Variants in TAFA3 observed in about 807,000 individuals in gnomAD.
TAFA3 encodes the protein chemokine-like protein TAFA-3.
A neutral mutation model predicts 20.7 loss-of-function variants in TAFA3; 17 were observed. The ratio of observed to expected loss-of-function variants is 0.82; its 90% CI spans 0.56 to 1.23. The LOEUF (loss-of-function observed/expected upper bound fraction) is 1.23, where lower values mean the gene tolerates loss of function less well. Ranked by LOEUF, TAFA3 falls within the 50% of genes most tolerant of loss-of-function variation. The pLI is 0.00. For synonymous variants in TAFA3, 74 were observed against 71.8 expected, an observed-to-expected ratio of 1.03 and a Z score of -0.16; for missense variants, 174 against 172.8, an observed-to-expected ratio of 1.01 and a Z score of -0.04.
intron 5 of TAFA3, 124 bp from the exon 6 acceptor site, chr1:112,726,505 C>G: frequency 1.0e-6 from 1 of 1,004,636 alleles, no homozygotes; most frequent in Non-Finnish European, 1.5e-6. Flanking sequence ...TTCCGGCCTG[C>G]TTTAGGGTGA....
At position 112,727,012 on chromosome 1, in the gene TAFA3, C is replaced by A; in HGVS notation, c.*372C>A. ...ATGATGGGGGTTTGGGAATGAGATT[C>A]CCACAGTTCTTCAGATACCCTGTGG... On this transcript the variant is annotated 3_prime_UTR_variant, in exon 6 of 6. Transcript: ENST00000361886. The A allele has an allele frequency of 3.8e-6, 1 of 263,538 alleles. No individual in the cohort carries two copies. Among genetic ancestry groups the A allele is most frequent in the Non-Finnish European group, 7.4e-6 (1 of 136,036 alleles). 16.3% of individuals were successfully genotyped at this position (263,538 alleles called of 1,614,324 possible).
chr1:112,724,903 A>C (rs1389455885), intron 5 of TAFA3, among the ~76,000 whole-genome samples: 3 of 151,570 alleles, frequency 2.0e-5, no homozygotes, highest in Non-Finnish European at 4.4e-5. Context: ...CCCAAAGGAA[A>C]ATAAATCATT....
At chr1:112,724,671 T>G (rs1205767690) in intron 5 of TAFA3, among the ~76,000 whole-genome samples, 1 of 144,448 alleles carries the variant, frequency 6.9e-6, no homozygotes, top group Non-Finnish European at 1.5e-5. Flanking sequence ...CATTGGGAGA[T>G]ATACCTAATG....
chr1:112,722,704 T>C (rs987604747), intron 3 of TAFA3, among the ~76,000 whole-genome samples: 3 of 152,102 alleles, frequency 2.0e-5, no homozygotes, highest in Non-Finnish European at 4.4e-5. Flanking sequence ...TCCCCACGCA[T>C]TGTAAGCCCT....
Position 112,724,085 on chromosome 1 carries a change from C to G in TAFA3, c.338C>G (p.Pro113Arg), listed in dbSNP as rs771756422. 5 of 1,613,352 alleles carry G rather than the reference C, an allele frequency of 3.1e-6. No homozygotes were observed. Among genetic ancestry groups the G allele is most frequent in the Non-Finnish European group, 4.2e-6 (5 of 1,179,856 alleles). Residue 113 changes from proline to arginine, a missense_variant, in exon 5 of 6, where the codon CCG (proline) becomes CGG (arginine). Transcript: ENST00000361886. ...CCGGGGGAGGAGTGTAAGGTGCTCC[C>G]GGACCTGTCGGGATGGAGCTGCAGC... ...CLPGEECKVL[P>R]DLSGWSCSSG... is the part of the protein sequence containing the mutation.
At chr1:112,726,590 A>G in intron 5 of TAFA3, 39 bp from the exon 6 acceptor site, 1 of 1,611,602 alleles carries the variant, frequency 6.2e-7, no homozygotes, top group Non-Finnish European at 8.5e-7. Context: ...TGGAATAGGC[A>G]TTCCCTTCTC....
intron 2 of TAFA3, 151 bp from the exon 3 acceptor site, chr1:112,722,082 T>G (rs1675341576): frequency 1.4e-6 from 1 of 724,366 alleles, no homozygotes; most frequent in Non-Finnish European, 2.3e-6. Context: ...ACTGCCTGCA[T>G]GACTCTGTGC....
chr1:112,721,072 T>C (rs1012367174), intron 2 of TAFA3, among the ~76,000 whole-genome samples: 1 of 152,258 alleles, frequency 6.6e-6, no homozygotes, highest in Non-Finnish European at 1.5e-5. Context: ...ATTTGACTTC[T>C]GTTAGCCTCG....
intron 5 of TAFA3, among the ~76,000 whole-genome samples, chr1:112,726,390 T>C (rs1164173297): frequency 6.6e-6 from 1 of 152,220 alleles, no homozygotes; most frequent in African/African-American, 2.4e-5. Flanking sequence ...TTTGGGTTTG[T>C]GGCCTGTAAG....
At position 112,722,351 on chromosome 1, in the gene TAFA3, T is replaced by C. The variant is rs1675350070; in HGVS notation, c.115+3T>C. ...CTTGCAGCCTCCCACTGCCACAGGT[T>C]TGGAGGAGGTGGCAGGGCCCGGGGA... On this transcript the variant is annotated splice_donor_region_variant and intron_variant, in intron 3 of 5. Transcript: ENST00000361886. 1 of 1,612,388 alleles carries C rather than the reference T, an allele frequency of 6.2e-7. No individual in the cohort carries two copies. Among genetic ancestry groups the C allele is most frequent in the African/African-American group, 1.3e-5 (1 of 74,908 alleles).
chr1:112,724,799 AC>A (rs1359220632), intron 5 of TAFA3, among the ~76,000 whole-genome samples: 4 of 140,192 alleles, frequency 2.9e-5, no homozygotes, highest in East Asian at 4.3e-4. Context: ...AAAAAAAAAA[AC>A]AACATATTAG....
intron 2 of TAFA3, among the ~76,000 whole-genome samples, chr1:112,721,648 C>T (rs1230699877): frequency 6.6e-6 from 1 of 152,218 alleles, no homozygotes. Flanking sequence ...CCATTCTACA[C>T]TTTGCTTTTT....
Position 112,719,093 on chromosome 1 carries a change from C to G in TAFA3, c.-266C>G, listed in dbSNP as rs1309531746. Among the ~76,000 whole-genome samples the G allele has an allele frequency of 6.6e-6, 1 of 152,210 alleles. No individual in the cohort carries two copies. Among genetic ancestry groups the G allele is most frequent in the African/African-American group, 2.4e-5 (1 of 41,450 alleles). On this transcript the variant is annotated 5_prime_UTR_variant, in exon 1 of 6. Transcript: ENST00000361886. Reference sequence around the variant, plus strand: ...AGCTCCCCTGTGCCCAGAGCCCGGCCCGCCCTGCGGATGATGCCAACCTGA... The same window carrying G: ...AGCTCCCCTGTGCCCAGAGCCCGGCGCGCCCTGCGGATGATGCCAACCTGA...
intron 5 of TAFA3, among the ~76,000 whole-genome samples, chr1:112,725,426 A>T (rs1420998078): frequency 6.6e-6 from 1 of 151,466 alleles, no homozygotes; most frequent in Non-Finnish European, 1.5e-5. Flanking sequence ...CATAGTCGAG[A>T]ATGGGAAAAA....
At chr1:112,721,281 A>G (rs2101495731) in intron 2 of TAFA3, among the ~76,000 whole-genome samples, 1 of 152,318 alleles carries the variant, frequency 6.6e-6, no homozygotes, top group Admixed American at 6.5e-5. Context: ...AAGCTAGTTT[A>G]TGCATATCTG....
Position 112,727,092 on chromosome 1 carries a change from G to A in TAFA3, c.*452G>A, listed in dbSNP as rs115921626. On this transcript the variant is annotated 3_prime_UTR_variant, in exon 6 of 6. Transcript: ENST00000361886. Reference sequence around the variant, plus strand: ...TCAGCACCCACCACCTCCCTCTTTCGCATCAGTTCTGAATCCCCAGCAAGC... The same window carrying A: ...TCAGCACCCACCACCTCCCTCTTTCACATCAGTTCTGAATCCCCAGCAAGC... The A allele has an allele frequency of 0.017, 2,944 of 168,454 alleles. 106 individuals carry two copies. Among genetic ancestry groups the A allele is most frequent in the African/African-American group, 0.065 (2,743 of 42,030 alleles). The allele number at this position is 168,454 out of a possible 1,614,324, so 10.4% of individuals were successfully genotyped here.
chr1:112,725,966 G>A (rs774043611), intron 5 of TAFA3, among the ~76,000 whole-genome samples: 3 of 152,094 alleles, frequency 2.0e-5, no homozygotes, highest in South Asian at 2.1e-4. Flanking sequence ...GTGAAAACCC[G>A]TCTCTACTAA....
rs1284819264 is a variant in TAFA3 at position 112,726,904 on chromosome 1, G to A, written c.*264G>A. On this transcript the variant is annotated 3_prime_UTR_variant, in exon 6 of 6. Transcript: ENST00000361886. ...CCCTTAAGGAATGTCCAGTTGAATT[G>A]GAGAGTTGATGACAGACAATTTAGA... 2 of 535,094 alleles carry A rather than the reference G, an allele frequency of 3.7e-6. No individual in the cohort carries two copies. Among genetic ancestry groups the A allele is most frequent in the Non-Finnish European group, 6.6e-6 (2 of 301,092 alleles). 33.1% of individuals were successfully genotyped at this position (535,094 alleles called of 1,614,324 possible).
Position 112,721,611 on chromosome 1 carries a change from G to T in TAFA3, c.-1-622G>T, listed in dbSNP as rs529385750. ...TTAGAGGCATGAACCACCACTCCTGGCCTGCCTTATACACATCGTATACAC... is the reference window on the plus strand; with the variant it reads ...TTAGAGGCATGAACCACCACTCCTGTCCTGCCTTATACACATCGTATACAC... On this transcript the variant is annotated intron_variant, in intron 2 of 5. Coordinates refer to ENST00000361886, the MANE Select transcript of TAFA3 (RefSeq NM_182759.3). Among the ~76,000 whole-genome samples the T allele has an allele frequency of 9.1e-4, 138 of 152,284 alleles. 4 individuals are homozygous for T. In the South Asian group the frequency reaches 0.027, roughly 30 times the overall value.
Sources: gnomAD v4.1 joint callset for allele counts (sites outside exome capture counted in the v4.1 genomes callset) on GRCh38, gnomAD v4.1.1 for gene constraint, MANE v1.5 for transcripts, NCBI Gene and HGNC (gene_info 2026-07-23, HGNC 2026-07-21) for gene names.